Variants in SLC9A9 observed in about 807,000 individuals in gnomAD.
SLC9A9 encodes the protein solute carrier family 9 member A9.
Under a neutral mutation model 77.8 loss-of-function variants are expected in SLC9A9, and 62 were observed. That is an observed-to-expected ratio of 0.80 (90% CI 0.65 to 0.98). The LOEUF (loss-of-function observed/expected upper bound fraction) is 0.98. Among genes scored for constraint, SLC9A9 ranks in the 50% least tolerant of loss-of-function variants. The pLI is 0.00. For synonymous variants in SLC9A9, 320 were observed against 283.5 expected (o/e 1.13, Z -1.29); for missense variants, 775 against 774.9 (o/e 1.00, Z 0.00).
At chr3:143,382,303 T>C (rs1158277313) in intron 12 of SLC9A9, 189 bp from the exon 13 acceptor site, 1 of 649,926 alleles carries the variant, frequency 1.5e-6, no homozygotes, top group Admixed American at 2.4e-5. Flanking sequence ...CAGCTGGGCC[T>C]CAGGATGCTG....
At chr3:143,416,413 T>G (rs927447447) in intron 12 of SLC9A9, among the ~76,000 whole-genome samples, 18 of 152,098 alleles carry the variant, frequency 1.2e-4, no homozygotes, top group Admixed American at 9.8e-4. Context: ...ATTGTCTTAT[T>G]TATAGATATT....
intron 12 of SLC9A9, among the ~76,000 whole-genome samples, chr3:143,450,731 AG>A (rs1352148576): frequency 6.6e-6 from 1 of 152,218 alleles, no homozygotes; most frequent in East Asian, 1.9e-4. Context: ...GAATTAAAAA[AG>A]GGTAGGCTTC....
At chr3:143,527,851 G>A (rs890395600) in intron 9 of SLC9A9, among the ~76,000 whole-genome samples, 1 of 152,116 alleles carries the variant, frequency 6.6e-6, no homozygotes, top group African/African-American at 2.4e-5. Context: ...TAGAGGTAAG[G>A]GGCAGGATTA....
At chr3:143,729,438 T>G (rs1934746396) in intron 4 of SLC9A9, among the ~76,000 whole-genome samples, 1 of 152,216 alleles carries the variant, frequency 6.6e-6, no homozygotes, top group Non-Finnish European at 1.5e-5. Flanking sequence ...CCAGCACAGA[T>G]CAGGGGTCTA....
At chr3:143,708,493 C>A (rs1204232027) in intron 4 of SLC9A9, among the ~76,000 whole-genome samples, 2 of 152,118 alleles carry the variant, frequency 1.3e-5, no homozygotes, top group East Asian at 3.9e-4. Flanking sequence ...CTCTGGGTAT[C>A]CCACCTTCTT....
intron 5 of SLC9A9, among the ~76,000 whole-genome samples, chr3:143,671,855 C>A (rs1313093191): frequency 6.6e-6 from 1 of 152,160 alleles, no homozygotes; most frequent in African/African-American, 2.4e-5. Context: ...TCCTCTGACT[C>A]CCTCTGAGGT....
chr3:143,627,351 A>G (rs1334937952), intron 6 of SLC9A9: 1 of 212,628 alleles, frequency 4.7e-6, no homozygotes, highest in Non-Finnish European at 1.0e-5. Context: ...TCAGCTTCCA[A>G]TCTATTGCTT....
At chr3:143,547,543 C>G (rs1409444665) in intron 9 of SLC9A9, among the ~76,000 whole-genome samples, 2 of 152,236 alleles carry the variant, frequency 1.3e-5, no homozygotes, top group Admixed American at 6.5e-5. Flanking sequence ...TTCCCCACCT[C>G]ATTTGGGCTC....
At chr3:143,760,760 T>C (rs1560067193) in intron 4 of SLC9A9, among the ~76,000 whole-genome samples, 3 of 152,134 alleles carry the variant, frequency 2.0e-5, no homozygotes, top group Admixed American at 6.5e-5. Context: ...AAAATGGCCA[T>C]ACTGCCCAAG....
rs367924488 is a variant in SLC9A9, at chr3:143,350,964, T to C, written c.1604+12520A>G. The stretch of plus-strand genomic sequence containing the variant: ...AACTTTTCCAAAATAAACCCAGAAT[T>C]GAGGGCTCTCTCTCCTTTGTGTTCT... On this transcript the variant is annotated intron_variant, in intron 14 of 15. Coordinates refer to ENST00000316549, the MANE Select transcript of SLC9A9 (RefSeq NM_173653.4). 1.1e-4 allele frequency among the ~76,000 whole-genome samples: 16 copies of C among 152,344 alleles called. No homozygotes were observed. The East Asian group carries it at 1.5e-3, about 15-fold the overall frequency.
intron 4 of SLC9A9, among the ~76,000 whole-genome samples, chr3:143,760,526 T>C (rs577650951): frequency 1.3e-5 from 2 of 152,070 alleles, no homozygotes; most frequent in Non-Finnish European, 2.9e-5. Flanking sequence ...TGTGCAAAAA[T>C]CACAAGCATT....
At position 143,415,767 on chromosome 3, in the gene SLC9A9, T is replaced by C. The variant is rs139047568; in HGVS notation, c.1470-33653A>G. 5.3e-3 allele frequency among the ~76,000 whole-genome samples: 813 copies of C among 152,328 alleles called. 9 individuals carry two copies. Among genetic ancestry groups the C allele is most frequent in the African/African-American group, 0.018 (758 of 41,580 alleles). On this transcript the variant is annotated intron_variant, in intron 12 of 15. Transcript: ENST00000316549. ...TTCAAGTCTTATTATATAAGAAATA[T>C]ATTTCATAAGGCTATAGCTGCCATA... is the stretch of plus-strand genomic sequence containing the variant.
chr3:143,779,607 G>A (rs2007808513), intron 4 of SLC9A9, among the ~76,000 whole-genome samples: 1 of 152,106 alleles, frequency 6.6e-6, no homozygotes, highest in African/African-American at 2.4e-5. Flanking sequence ...CTGACCTCAG[G>A]TGATCCATCC....
At chr3:143,550,088 G>A (rs554866019) in intron 9 of SLC9A9, among the ~76,000 whole-genome samples, 13 of 152,220 alleles carry the variant, frequency 8.5e-5, no homozygotes, top group South Asian at 2.1e-4. Flanking sequence ...GGGTGACCTC[G>A]CAGAGTCCCT....
chr3:143,512,471 C>A (rs1325983295), intron 9 of SLC9A9, among the ~76,000 whole-genome samples: 1 of 152,128 alleles, frequency 6.6e-6, no homozygotes, highest in African/African-American at 2.4e-5. Context: ...TGCAATAAAG[C>A]AAATATAGCA....
chr3:143,686,921 C>A (rs1158482815), intron 5 of SLC9A9, among the ~76,000 whole-genome samples: 1 of 151,992 alleles, frequency 6.6e-6, no homozygotes, highest in East Asian at 1.9e-4. Context: ...TTTGCACACA[C>A]CAGAAGAAGA....
intron 13 of SLC9A9, among the ~76,000 whole-genome samples, chr3:143,376,924 T>C (rs1422670214): frequency 6.6e-6 from 1 of 152,214 alleles, no homozygotes; most frequent in East Asian, 1.9e-4. Context: ...GAAATATTCG[T>C]AGAAGTGTAG....
intron 5 of SLC9A9, among the ~76,000 whole-genome samples, chr3:143,667,840 C>G (rs1460068128): frequency 6.6e-6 from 1 of 152,088 alleles, no homozygotes; most frequent in Non-Finnish European, 1.5e-5. Context: ...ACAACAGATG[C>G]CGGAGAGGAT....
intron 12 of SLC9A9, among the ~76,000 whole-genome samples, chr3:143,394,922 C>T (rs903231394): frequency 8.5e-5 from 13 of 152,172 alleles, no homozygotes; most frequent in Non-Finnish European, 1.6e-4. Context: ...AGGAGAGCTA[C>T]AAACCACTGC....
Sources: allele counts gnomAD v4.1 joint callset (sites outside exome capture counted in the v4.1 genomes callset), GRCh38; gene constraint gnomAD v4.1.1; transcripts MANE v1.5; gene names NCBI Gene and HGNC (gene_info 2026-07-23, HGNC 2026-07-21).